The following LRRK2 variants were observed in gnomAD, a reference collection of about 807,000 sequenced individuals.
LRRK2 encodes leucine-rich repeat serine/threonine-protein kinase 2.
In LRRK2, 203 loss-of-function variants were observed where a neutral mutation model predicts 302.6. The ratio of observed to expected loss-of-function variants is 0.67; its 90% CI spans 0.60 to 0.75. LRRK2 has a LOEUF of 0.75. Among genes scored for constraint, LRRK2 ranks in the 30% least tolerant of loss-of-function variants. The pLI, the probability that LRRK2 is intolerant of heterozygous loss-of-function variation, is 0.00. For missense variants in LRRK2, 2,830 were observed against 2,951.0 expected, an observed-to-expected ratio of 0.96 and a Z score of 0.95; for synonymous variants, 1,066 against 1,031.9, an observed-to-expected ratio of 1.03 and a Z score of -0.63.
In LRRK2 at chr12:40,289,001, T is replaced by G. The variant is rs1370457688; in HGVS notation, c.2689+1462T>G. On this transcript the variant is annotated intron_variant, in intron 20 of 50. Transcript: ENST00000298910. ...CCTTTTCTTAGCCTAAATTTGTGAA[T>G]ATTTTCTCCCATATTTTCTCTTAGA... 3.3e-5 allele frequency among the ~76,000 whole-genome samples: 5 copies of G among 151,898 alleles called. No homozygotes were observed. In the East Asian group the frequency reaches 9.6e-4, roughly 29 times the overall value.
intron 33 of LRRK2, among the ~76,000 whole-genome samples, chr12:40,318,862 A>T (rs537782472): frequency 6.6e-6 from 1 of 152,120 alleles, no homozygotes; most frequent in South Asian, 2.1e-4. Flanking sequence ...GAAGTCTTAA[A>T]CAACAGTTTT....
In LRRK2 at chr12:40,368,006, T is replaced by C. The variant is rs1946930625; in HGVS notation, c.*241T>C. The C allele has an allele frequency of 3.9e-6, 1 of 254,812 alleles. No individual in the cohort carries two copies. The highest frequency in any genetic ancestry group is 2.3e-5 in the African/African-American group (1 of 44,244). 15.8% of individuals were successfully genotyped at this position (254,812 alleles called of 1,614,324 possible). ...ATAAATACCAGTTACTTTCGTTCAT[T>C]AATTAATGAAAATAAATCTGTGAAG... On this transcript the variant is annotated 3_prime_UTR_variant, in exon 51 of 51. Transcript: ENST00000298910.
chr12:40,298,843 T>TATA (rs1944502470), intron 24 of LRRK2, among the ~76,000 whole-genome samples: 1 of 115,532 alleles, frequency 8.7e-6, no homozygotes, highest in Non-Finnish European at 1.8e-5. Flanking sequence ...TATATATTTA[T>TATA]TATATATAAT....
In LRRK2 at chr12:40,354,310, T is replaced by C. The variant is rs760438620; in HGVS notation, c.6588T>C (p.Asp2196=). 3 of 1,614,000 alleles carry C rather than the reference T, an allele frequency of 1.9e-6. No individual in the cohort carries two copies. The South Asian group carries it at 3.3e-5, about 18-fold the overall frequency. ...TCTTTTCTTAACAGGAAGTTGCTGA[T>C]AGTAGAATATTGTGCTTAGCCTTGG... The part of the protein sequence containing the change: ...TEGYTSEEVA[D]SRILCLALVH... The change falls in exon 45 of 51, where the codon GAT becomes GAC. Residue 2196 remains aspartate, a synonymous_variant. Transcript: ENST00000298910.
chr12:40,368,074 A>AT lies in LRRK2; in HGVS notation c.*315dup, dbSNP rs1370426192. On this transcript the variant is annotated 3_prime_UTR_variant, in exon 51 of 51. Transcript: ENST00000298910. Reference sequence around the variant, plus strand: ...CATACTAAAATTTATAAGGCCGATAATTTTTTGTTTTCTTGTCTGTAATGG... The same window carrying AT: ...CATACTAAAATTTATAAGGCCGATAATTTTTTTGTTTTCTTGTCTGTAATGG... The AT allele has an allele frequency of 1.1e-5, 2 of 182,614 alleles. No homozygotes were observed. The highest frequency in any genetic ancestry group is 1.2e-4 in the Admixed American group (2 of 16,892). 11.3% of individuals were successfully genotyped at this position (182,614 alleles called of 1,614,324 possible). A position where few individuals can be genotyped will look rare whatever the true frequency, so the allele number is the denominator to read the frequency against.
rs191463004 is a variant in LRRK2, at chr12:40,346,468, T to A, written c.6110-285T>A. ...CTACTTAATAACTTACCATTGAATG[T>A]TTATCCTTATTATCATTCAAGGTAA... On this transcript the variant is annotated intron_variant, in intron 41 of 50. Transcript: ENST00000298910. Among the ~76,000 whole-genome samples the A allele has an allele frequency of 3.0e-3, 461 of 152,332 alleles. 2 individuals are homozygous for A. Among genetic ancestry groups the A allele is most frequent in the Non-Finnish European group, 5.1e-3 (344 of 68,026 alleles).
chr12:40,241,597 CAT>C (rs1324170646), intron 6 of LRRK2, among the ~76,000 whole-genome samples: 1 of 152,100 alleles, frequency 6.6e-6, no homozygotes, highest in East Asian at 1.9e-4. Context: ...CATCCTCACA[CAT>C]GTGAAGTTTT....
chr12:40,362,149 T>G (rs970091058), intron 47 of LRRK2, among the ~76,000 whole-genome samples: 7 of 152,014 alleles, frequency 4.6e-5, no homozygotes, highest in African/African-American at 1.7e-4. Context: ...ATGCAAAACT[T>G]TGTCCTAATT....
intron 13 of LRRK2, 39 bp from the exon 14 acceptor site, chr12:40,263,750 A>T (rs1455313606): frequency 7.0e-7 from 1 of 1,428,350 alleles, no homozygotes; most frequent in Non-Finnish European, 9.9e-7. Flanking sequence ...AAATGTTTAT[A>T]AGAAAATTCT....
At chr12:40,271,295 A>C (rs992784193) in intron 14 of LRRK2, among the ~76,000 whole-genome samples, 1 of 152,224 alleles carries the variant, frequency 6.6e-6, no homozygotes, top group Admixed American at 6.5e-5. Flanking sequence ...AAGAAAAAGA[A>C]TAAAGGGAGA....
At chr12:40,313,854 A>G (rs1050229884) in intron 31 of LRRK2, 118 bp from the exon 32 acceptor site, 2 of 735,124 alleles carry the variant, frequency 2.7e-6, no homozygotes, top group African/African-American at 3.6e-5. Flanking sequence ...TTATTTAAAA[A>G]TGTACTTCTG....
chr12:40,321,786 G>T (rs1037409582), intron 35 of LRRK2, among the ~76,000 whole-genome samples: 7 of 151,988 alleles, frequency 4.6e-5, no homozygotes, highest in Non-Finnish European at 1.0e-4. Context: ...TTCTTCATCT[G>T]TCGAGCATAT....
In LRRK2 at chr12:40,351,777, T is replaced by C. The variant is rs75415619; in HGVS notation, c.6576+44T>C. The C allele has an allele frequency of 2.2e-3, 3,411 of 1,575,758 alleles. 69 individuals are homozygous for C. The African/African-American group carries it at 0.041, about 19-fold the overall frequency. ...TAAATCTTTCATAATTTAAAGCATA[T>C]ACCATTTGGAAAGTTACTTAGGAAT... On this transcript the variant is annotated intron_variant, in intron 44 of 50. Transcript: ENST00000298910.
Position 40,225,225 on chromosome 12 carries a change from A to T in LRRK2, c.94A>T (p.Ile32Leu), listed in dbSNP as rs757937882. Residue 32 changes from isoleucine to leucine, a missense_variant, in exon 1 of 51, where the codon ATA becomes TTA. By Grantham distance (5) the Ile-to-Leu change is conservative. Coordinates refer to ENST00000298910, the MANE Select transcript of LRRK2 (RefSeq NM_198578.4). ...GAACAATGTCCAGGAAGGAAAACAG[A>T]TAGAAACGCTGGTCCAAATCCTGGA... ...RLNNVQEGKQ[I>L]ETLVQILEDL... 1.2e-6 allele frequency: 2 copies of T among 1,614,072 alleles called. No homozygotes were observed. The highest frequency in any genetic ancestry group is 1.7e-5 in the Admixed American group (1 of 60,004).
chr12:40,305,850 A>G lies in LRRK2; in HGVS notation c.3843A>G (p.Leu1281=). The change falls in exon 28 of 51, where the codon CTA becomes CTG. Residue 1281 remains leucine, a synonymous_variant. Coordinates refer to ENST00000298910, the MANE Select transcript of LRRK2 (RefSeq NM_198578.4). ...TGGATGTCAGTTACAACTTGGAACT[A>G]AGATCCTTTCCCAATGAAATGGGGA... ...TSLDVSYNLE[L]RSFPNEMGKL... The G allele has an allele frequency of 6.2e-7, 1 of 1,613,654 alleles. No homozygotes were observed. Among genetic ancestry groups the G allele is most frequent in the Non-Finnish European group, 8.5e-7 (1 of 1,179,694 alleles).
At chr12:40,320,464 TG>T (rs199518435) in intron 34 of LRRK2, among the ~76,000 whole-genome samples, 3 of 151,436 alleles carry the variant, frequency 2.0e-5, no homozygotes, top group Non-Finnish European at 3.0e-5. Flanking sequence ...TGTGTGTGTC[TG>T]TGTTTGTGTA....
chr12:40,291,399 G>A (rs1298869859), intron 20 of LRRK2, among the ~76,000 whole-genome samples: 2 of 150,392 alleles, frequency 1.3e-5, no homozygotes, highest in Non-Finnish European at 3.0e-5. Flanking sequence ...TGCATGTTGT[G>A]CATGTGTACC....
At position 40,346,854 on chromosome 12, in the gene LRRK2, G is replaced by T. The variant is rs1350174337; in HGVS notation, c.6211G>T (p.Gly2071Cys). 6 of 1,613,786 alleles carry T rather than the reference G, an allele frequency of 3.7e-6. No homozygotes were observed. Among genetic ancestry groups the T allele is most frequent in the Non-Finnish European group, 4.2e-6 (5 of 1,179,828 alleles). ...ACTCTATGACATTTTGACAACTGGA[G>T]GTAGAATAGTAGAGGGTTTGAAGTT... ...LLLYDILTTG[G>C]RIVEGLKFPN... is the part of the protein sequence containing the mutation. The change falls in exon 42 of 51, where the codon GGT becomes TGT. Residue 2071 changes from glycine (G) to cysteine (C), a missense_variant. By Grantham distance (159) the Gly-to-Cys change is radical. Transcript: ENST00000298910.
chr12:40,245,951 TGTC>T (rs1208466698), intron 7 of LRRK2, among the ~76,000 whole-genome samples: 3 of 152,106 alleles, frequency 2.0e-5, no homozygotes, highest in Admixed American at 6.6e-5. Flanking sequence ...TTCATTTCCT[TGTC>T]TTCTTACATG....
Sources: gnomAD v4.1 joint callset for allele counts (sites outside exome capture counted in the v4.1 genomes callset) on GRCh38, gnomAD v4.1.1 for gene constraint, MANE v1.5 for transcripts, NCBI Gene and HGNC (gene_info 2026-07-23, HGNC 2026-07-21) for gene names.